PTPRB: variants seen among roughly 807,000 people sequenced by gnomAD.
The protein encoded by PTPRB is protein tyrosine phosphatase receptor type B.
In PTPRB, 97 loss-of-function variants were observed where a neutral mutation model predicts 238.1. The observed-to-expected ratio is 0.41, with a 90% CI of 0.35 to 0.48. PTPRB has a LOEUF of 0.48. Among genes scored for constraint, PTPRB ranks in the 20% least tolerant of loss-of-function variants. PTPRB has a pLI of 0.30. For missense variants in PTPRB, 2,292 were observed against 2,681.9 expected (o/e 0.85, Z 3.21); for synonymous variants, 970 against 995.4 (o/e 0.97, Z 0.48).
chr12:70,530,208 A>ATT (rs1872992513), intron 32 of PTPRB, among the ~76,000 whole-genome samples: 1 of 152,206 alleles, frequency 6.6e-6, no homozygotes, highest in South Asian at 2.1e-4. Context: ...TTTTGAGATA[A>ATT]TTAGGGATAT....
At chr12:70,535,036 C>G (rs1592407832) in intron 29 of PTPRB, 81 bp from the exon 30 acceptor site, 1 of 1,477,282 alleles carries the variant, frequency 6.8e-7, no homozygotes, top group Non-Finnish European at 9.1e-7. Flanking sequence ...CTCTAAATGT[C>G]TTCCAAAGTT....
In PTPRB at chr12:70,516,613, A is replaced by G. The variant is rs1305298514; in HGVS notation, c.*4876T>C. ...TATCTACGCACACAGCTATTAGAAC[A>G]TCTCAGCATAACTGAACGTTTGTTC... On this transcript the variant is annotated 3_prime_UTR_variant, in exon 34 of 34. Transcript: ENST00000334414. 1 of 152,236 alleles carries G rather than the reference A, an allele frequency of 6.6e-6. No homozygotes were observed. The highest frequency in any genetic ancestry group is 1.5e-5 in the Non-Finnish European group (1 of 68,040). 9.4% of individuals were successfully genotyped at this position (152,236 alleles called of 1,614,324 possible). A position where few individuals can be genotyped will look rare whatever the true frequency, so the allele number is the denominator to read the frequency against.
rs1879785548 is a variant in PTPRB at position 70,569,715 on chromosome 12, GCTGA to G, written c.3590_3593del (p.Val1197AlafsTer4). 1 of 1,613,844 alleles carries G rather than the reference GCTGA, an allele frequency of 6.2e-7. No individual in the cohort carries two copies. The highest frequency in any genetic ancestry group is 8.5e-7 in the Non-Finnish European group (1 of 1,179,860). The stretch of plus-strand genomic sequence containing the variant: ...CATTTATCTGATTCTTCAGGGACCC[GCTGA>G]CTGAGGCAATCATGATCTGGTACTG... On this transcript the variant is annotated frameshift_variant, in exon 14 of 34. Coordinates refer to ENST00000334414, the MANE Select transcript of PTPRB (RefSeq NM_001109754.4). LOFTEE classifies it high-confidence loss of function.
At position 70,540,263 on chromosome 12, in the gene PTPRB, T is replaced by C. The variant is rs538426048; in HGVS notation, c.5595-241A>G. 5 of 426,886 alleles carry C rather than the reference T, an allele frequency of 1.2e-5. No individual in the cohort carries two copies. In the East Asian group the frequency reaches 1.7e-4, roughly 15 times the overall value. 26.4% of individuals were successfully genotyped at this position (426,886 alleles called of 1,614,324 possible). A position where few individuals can be genotyped will look rare whatever the true frequency, so the allele number is the denominator to read the frequency against. ...TGTCTCCTGGTTTTTGGCTACAGGT[T>C]ATAATCACTTCCCACATTCTCAATA... On this transcript the variant is annotated intron_variant, in intron 23 of 33. Coordinates refer to ENST00000334414, the MANE Select transcript of PTPRB (RefSeq NM_001109754.4).
chr12:70,540,543 T>A (rs1176648560), intron 23 of PTPRB: 1 of 260,724 alleles, frequency 3.8e-6, no homozygotes, highest in African/African-American at 2.3e-5. Flanking sequence ...AACATCTCTG[T>A]CTTCATGAGG....
At chr12:70,552,599 C>T (rs1463740393) in intron 21 of PTPRB, among the ~76,000 whole-genome samples, 178 bp downstream of exon 21, 1 of 152,030 alleles carries the variant, frequency 6.6e-6, no homozygotes, top group Non-Finnish European at 1.5e-5. Context: ...CCTTTTGACA[C>T]ATTACCTGCA....
At chr12:70,541,515 T>A (rs1284737253) in intron 22 of PTPRB, 3 of 152,284 alleles carry the variant, frequency 2.0e-5, no homozygotes, top group African/African-American at 4.8e-5. Flanking sequence ...TACAATTCAG[T>A]GGTCTTTAGT....
intron 5 of PTPRB, 86 bp from the exon 6 acceptor site, chr12:70,594,810 A>T: frequency 6.8e-7 from 1 of 1,481,470 alleles, no homozygotes; most frequent in Non-Finnish European, 9.2e-7. Flanking sequence ...TCACATATTC[A>T]TTTGTGTTCC....
chr12:70,558,909 AT>A, intron 18 of PTPRB: 1 of 212,842 alleles, frequency 4.7e-6, no homozygotes, highest in South Asian at 1.1e-4. Flanking sequence ...CTCCTCTCTC[AT>A]CTTGGAATAT....
intron 21 of PTPRB, among the ~76,000 whole-genome samples, chr12:70,549,911 A>T (rs1049013805): frequency 1.3e-5 from 2 of 152,228 alleles, no homozygotes. Flanking sequence ...TCCTTAGAGC[A>T]TCTTGGCTCA....
chr12:70,555,110 T>C, intron 20 of PTPRB, 50 bp downstream of exon 20: 1 of 1,582,310 alleles, frequency 6.3e-7, no homozygotes, highest in Non-Finnish European at 8.6e-7. Context: ...ACATGACCTC[T>C]GAGGAAGCAA....
chr12:70,522,938 C>T (rs1871836811), intron 33 of PTPRB, among the ~76,000 whole-genome samples: 1 of 145,718 alleles, frequency 6.9e-6, no homozygotes, highest in South Asian at 2.1e-4. Context: ...TCTTGGCTCA[C>T]TGCAACCTTC....
rs1880733430 is a variant in PTPRB, at chr12:70,576,596, G to A, written c.2628C>T (p.Asp876=). Residue 876 remains aspartate, a synonymous_variant, in exon 11 of 34, where the codon GAC becomes GAT. Transcript: ENST00000334414. ...GVTVNNSGRN[D]YLSVSWLLAP... ...CCAGCAGCCAGGAAACGCTGAGGTA[G>A]TCATTACGACCGGAATTGTTCACCG... The A allele has an allele frequency of 2.6e-6, 4 of 1,521,662 alleles. No homozygotes were observed. The highest frequency in any genetic ancestry group is 3.5e-6 in the Non-Finnish European group (4 of 1,131,738). 94.3% of individuals were successfully genotyped at this position (1,521,662 alleles called of 1,614,324 possible). A position where few individuals can be genotyped will look rare whatever the true frequency, so the allele number is the denominator to read the frequency against.
Position 70,520,707 on chromosome 12 carries a change from A to T in PTPRB, c.*782T>A, listed in dbSNP as rs1331894071. ...CACTGTAGATAGTGCTTTGCATGTTATGTTTCCAGTCTGGGTATAGCTGGC... is the reference window on the plus strand; with the variant it reads ...CACTGTAGATAGTGCTTTGCATGTTTTGTTTCCAGTCTGGGTATAGCTGGC... On this transcript the variant is annotated 3_prime_UTR_variant, in exon 34 of 34. Coordinates refer to ENST00000334414, the MANE Select transcript of PTPRB (RefSeq NM_001109754.4). 1 of 153,108 alleles carries T rather than the reference A, an allele frequency of 6.5e-6. No individual in the cohort carries two copies. Among genetic ancestry groups the T allele is most frequent in the African/African-American group, 2.4e-5 (1 of 41,450 alleles). 9.5% of individuals were successfully genotyped at this position (153,108 alleles called of 1,614,324 possible).
At chr12:70,572,460 C>T (rs1880177656) in intron 11 of PTPRB, among the ~76,000 whole-genome samples, 1 of 151,760 alleles carries the variant, frequency 6.6e-6, no homozygotes, top group South Asian at 2.1e-4. Context: ...AAGCAATCCC[C>T]CAACCCGCCC....
intron 22 of PTPRB, chr12:70,542,503 GGGAGGT>G (rs1875292826): frequency 6.6e-6 from 1 of 151,664 alleles, no homozygotes; most frequent in South Asian, 2.1e-4. Flanking sequence ...GCTTGAATTT[GGGAGGT>G]GGAGGTTGCA....
intron 23 of PTPRB, 122 bp downstream of exon 23, chr12:70,540,736 C>T: frequency 2.8e-6 from 2 of 726,620 alleles, no homozygotes; most frequent in Admixed American, 2.8e-5. Context: ...ATTGAGAAAA[C>T]AGTGACAATT....
At chr12:70,587,339 C>T in intron 8 of PTPRB, 72 bp from the exon 9 acceptor site, 5 of 1,492,056 alleles carry the variant, frequency 3.4e-6, no homozygotes, top group Non-Finnish European at 4.6e-6. Context: ...TTTGATAGTT[C>T]TCCTCTTCCA....
Position 70,594,657 on chromosome 12 carries a change from A to G in PTPRB, c.1326T>C (p.His442=), listed in dbSNP as rs571726380. The part of the protein sequence containing the change: ...KANSLLISWS[H]GSGNVERYRL... Reference sequence around the variant, plus strand: ...GGTATCGTTCCACATTCCCAGAACCATGGGACCAGGAAATCAGGAGAGAAT... The same window carrying G: ...GGTATCGTTCCACATTCCCAGAACCGTGGGACCAGGAAATCAGGAGAGAAT... Residue 442 remains histidine, a synonymous_variant, in exon 6 of 34, where the codon CAT becomes CAC. Coordinates refer to ENST00000334414, the MANE Select transcript of PTPRB (RefSeq NM_001109754.4). 1.2e-6 allele frequency: 2 copies of G among 1,614,048 alleles called. No homozygotes were observed. The highest frequency in any genetic ancestry group is 1.1e-5 in the South Asian group (1 of 91,082).
Sources: gnomAD v4.1 joint callset for allele counts (sites outside exome capture counted in the v4.1 genomes callset) on GRCh38, gnomAD v4.1.1 for gene constraint, MANE v1.5 for transcripts, NCBI Gene and HGNC (gene_info 2026-07-23, HGNC 2026-07-21) for gene names.